The following LCA5L variants were observed in gnomAD, a reference collection of about 807,000 sequenced individuals.
LCA5L encodes lebercilin LCA5 like.
A neutral mutation model predicts 45.4 loss-of-function variants in LCA5L; 35 were observed. The observed-to-expected ratio is 0.77, with a 90% CI of 0.59 to 1.02. LCA5L has a LOEUF of 1.02. Ranked by LOEUF, LCA5L falls within the 50% of genes least tolerant of loss-of-function variation. The probability of loss-of-function intolerance (pLI) is 0.00; values close to 1 mark genes in which losing one functional copy is unlikely to be tolerated. For synonymous variants in LCA5L, 233 were observed against 264.7 expected (o/e 0.88, Z 1.16); for missense variants, 668 against 761.6 (o/e 0.88, Z 1.45).
At chr21:39,417,917 C>T (rs1247837612) in intron 7 of LCA5L, among the ~76,000 whole-genome samples, 5 of 152,146 alleles carry the variant, frequency 3.3e-5, no homozygotes, top group South Asian at 2.1e-4. Context: ...AGGTGCCCGC[C>T]ACCATGCCTG....
At chr21:39,417,559 C>T (rs1213305806) in intron 7 of LCA5L, among the ~76,000 whole-genome samples, 1 of 151,990 alleles carries the variant, frequency 6.6e-6, no homozygotes, top group South Asian at 2.1e-4. Flanking sequence ...TTGTATTAGT[C>T]CTTTTTCAGG....
intron 1 of LCA5L, among the ~76,000 whole-genome samples, chr21:39,445,235 A>G (rs548807736): frequency 1.2e-4 from 19 of 152,218 alleles, no homozygotes; most frequent in Non-Finnish European, 2.4e-4. Flanking sequence ...AGACATTTCA[A>G]AAGATTTAGA....
intron 2 of LCA5L, among the ~76,000 whole-genome samples, chr21:39,440,392 T>C (rs952115777): frequency 2.0e-5 from 3 of 151,938 alleles, no homozygotes; most frequent in African/African-American, 4.8e-5. Flanking sequence ...GGAGATGCCA[T>C]CTCTATAAAA....
chr21:39,412,842 G>A (rs1389962705), intron 7 of LCA5L, among the ~76,000 whole-genome samples: 2 of 152,222 alleles, frequency 1.3e-5, no homozygotes, highest in African/African-American at 2.4e-5. Context: ...TTGCCCAAGT[G>A]TAAGTTAGAA....
intron 3 of LCA5L, among the ~76,000 whole-genome samples, chr21:39,433,816 G>A (rs1210924004): frequency 1.3e-5 from 2 of 148,654 alleles, no homozygotes; most frequent in Non-Finnish European, 3.0e-5. Context: ...CCAGGCTGGA[G>A]TGCAGTGGCA....
intron 6 of LCA5L, among the ~76,000 whole-genome samples, chr21:39,421,273 T>C (rs2042268333): frequency 6.6e-6 from 1 of 152,070 alleles, no homozygotes; most frequent in South Asian, 2.1e-4. Flanking sequence ...GGATAATTTT[T>C]GTATTTTTAG....
intron 7 of LCA5L, among the ~76,000 whole-genome samples, chr21:39,413,026 T>C (rs2040383614): frequency 6.6e-6 from 1 of 152,184 alleles, no homozygotes; most frequent in African/African-American, 2.4e-5. Context: ...GGAGGATGCA[T>C]CTCAGAGCAT....
chr21:39,411,803 C>T lies in LCA5L; in HGVS notation c.976-1G>A, dbSNP rs1461120141. The stretch of plus-strand genomic sequence containing the variant: ...TAATTTCAAGCTCACGATCCTTTTC[C>T]TAAAAAGAACCACAAAACCAATTTT... On this transcript the variant is annotated splice_acceptor_variant, in intron 7 of 10. Transcript: ENST00000288350. LOFTEE classifies it high-confidence loss of function. 1 of 1,565,750 alleles carries T rather than the reference C, an allele frequency of 6.4e-7. No homozygotes were observed. The highest frequency in any genetic ancestry group is 2.2e-5 in the East Asian group (1 of 44,474).
At chr21:39,426,798 G>A (rs2074785428) in intron 5 of LCA5L, among the ~76,000 whole-genome samples, 1 of 152,220 alleles carries the variant, frequency 6.6e-6, no homozygotes, top group Non-Finnish European at 1.5e-5. Flanking sequence ...ATGGAGTCCA[G>A]GCATGAGAGA....
intron 10 of LCA5L, among the ~76,000 whole-genome samples, chr21:39,407,478 A>G (rs967936716): frequency 1.3e-5 from 2 of 152,224 alleles, no homozygotes; most frequent in African/African-American, 2.4e-5. Flanking sequence ...ACCTACAAAA[A>G]ATAGACAAGG....
intron 3 of LCA5L, among the ~76,000 whole-genome samples, chr21:39,429,852 C>T (rs780852869): frequency 1.3e-5 from 2 of 152,036 alleles, no homozygotes; most frequent in Non-Finnish European, 2.9e-5. Context: ...ACCGTCTCTA[C>T]AAAACAAATA....
chr21:39,424,482 A>G (rs1205027513), intron 5 of LCA5L, among the ~76,000 whole-genome samples: 1 of 152,222 alleles, frequency 6.6e-6, no homozygotes, highest in African/African-American at 2.4e-5. Flanking sequence ...CCCTGTCTCA[A>G]AAACAAACAA....
At chr21:39,422,949 A>C in intron 6 of LCA5L, 27 bp downstream of exon 6, 1 of 1,599,728 alleles carries the variant, frequency 6.3e-7, no homozygotes, top group Non-Finnish European at 8.5e-7. Flanking sequence ...TGGAATCTTA[A>C]ACTGTCTGGG....
chr21:39,420,522 CA>C lies in LCA5L; in HGVS notation c.975+183del, dbSNP rs397972848. On this transcript the variant is annotated intron_variant, in intron 7 of 10. Transcript: ENST00000288350. ...TGGGTGACAGAGCAAGATTCTATCT[CA>C]AAAAAAAAAAAAAAAAAAGATAAAC... Among the ~76,000 whole-genome samples the C allele has an allele frequency of 4.1e-3, 354 of 87,142 alleles. 1 individual carries two copies. Among genetic ancestry groups the C allele is most frequent in the African/African-American group, 0.016 (330 of 20,070 alleles). 57.2% of individuals were successfully genotyped at this position (87,142 alleles called of 152,430 possible).
At chr21:39,431,339 A>T (rs530139932) in intron 3 of LCA5L, among the ~76,000 whole-genome samples, 1 of 152,146 alleles carries the variant, frequency 6.6e-6, no homozygotes, top group South Asian at 2.1e-4. Flanking sequence ...AAAATCTGTC[A>T]ATGTTTCAGT....
chr21:39,424,173 C>T (rs187570836), intron 5 of LCA5L, among the ~76,000 whole-genome samples: 83 of 152,128 alleles, frequency 5.5e-4, no homozygotes, highest in African/African-American at 2.0e-3. Context: ...CCACTATGCC[C>T]TGCTAATTTT....
chr21:39,423,401 C>G lies in LCA5L; in HGVS notation c.412G>C (p.Ala138Pro). The G allele has an allele frequency of 6.2e-7, 1 of 1,608,186 alleles. No individual in the cohort carries two copies. The highest frequency in any genetic ancestry group is 8.5e-7 in the Non-Finnish European group (1 of 1,178,992). The change falls in exon 6 of 11, where the codon GCT (alanine) becomes CCT (proline). Residue 138 changes from alanine to proline, a missense_variant. Ala to Pro is a conservative substitution (Grantham distance 27, BLOSUM62 -1). Coordinates refer to ENST00000288350, the MANE Select transcript of LCA5L (RefSeq NM_152505.4). ...GCTGAGAGTATTCGATGAGCCATAG[C>G]ATCTCTTCTTTGGGCAATCATATGG... Reference protein sequence around the residue: ...QIHMIAQRRDAMAHRILSARL... With the variant: ...QIHMIAQRRDPMAHRILSARL...
chr21:39,442,626 G>T (rs1365879102), intron 2 of LCA5L, among the ~76,000 whole-genome samples: 1 of 152,132 alleles, frequency 6.6e-6, no homozygotes, highest in Non-Finnish European at 1.5e-5. Flanking sequence ...TGGGCTTAAG[G>T]ATTCACTGGG....
intron 3 of LCA5L, among the ~76,000 whole-genome samples, chr21:39,433,799 C>T (rs2076012279): frequency 1.5e-5 from 2 of 135,740 alleles, no homozygotes; most frequent in East Asian, 2.2e-4. Context: ...GGGTCTTCTT[C>T]TATTGCCCAG....
Sources: gnomAD v4.1 joint callset for allele counts (sites outside exome capture counted in the v4.1 genomes callset) on GRCh38, gnomAD v4.1.1 for gene constraint, MANE v1.5 for transcripts, NCBI Gene and HGNC (gene_info 2026-07-23, HGNC 2026-07-21) for gene names.